Variants in ACSM1 observed in about 807,000 individuals in gnomAD.
ACSM1 encodes the protein acyl-coenzyme A synthetase ACSM1, mitochondrial.
Under a neutral mutation model 75.8 loss-of-function variants are expected in ACSM1, and 79 were observed. That is an observed-to-expected ratio of 1.04 (90% confidence interval 0.87 to 1.26). ACSM1 has a LOEUF of 1.26. Among genes scored for constraint, ACSM1 ranks in the 50% most tolerant of loss-of-function variants. ACSM1 has a pLI of 0.00. For missense variants in ACSM1, 676 were observed against 720.1 expected (o/e 0.94, Z 0.70); for synonymous variants, 279 against 265.8 (o/e 1.05, Z -0.48).
chr16:20,636,731 G>A lies in ACSM1; in HGVS notation c.1299+8C>T, dbSNP rs1277365713. ...GGGCCAGGATGGGGGCAGATGGGGG[G>A]TCATTACCTCATAGCACATGAAGAG... On this transcript the variant is annotated splice_region_variant and intron_variant, in intron 10 of 13. Transcript: ENST00000520010. 3.1e-6 allele frequency: 5 copies of A among 1,609,754 alleles called. No homozygotes were observed. The East Asian group carries it at 6.7e-5, about 22-fold the overall frequency.
intron 1 of ACSM1, among the ~76,000 whole-genome samples, chr16:20,696,537 T>C (rs1245386559): frequency 6.6e-6 from 1 of 152,244 alleles, no homozygotes; most frequent in East Asian, 1.9e-4. Flanking sequence ...AAGTATTTAC[T>C]ATAGATGTAC....
rs138045895 is a variant in ACSM1, at chr16:20,650,416, G to A, written c.993-9832C>T. 5.3e-5 allele frequency among the ~76,000 whole-genome samples: 8 copies of A among 152,158 alleles called. No individual in the cohort carries two copies. The East Asian group carries it at 1.4e-3, about 26-fold the overall frequency. On this transcript the variant is annotated intron_variant, in intron 7 of 13. Coordinates refer to ENST00000520010, the MANE Select transcript of ACSM1 (RefSeq NM_001318890.3). ...GTCTGGGAGCTTGACCCCCCACAAC[G>A]TGCAGCGGCCCTACAGGGAAATCCC...
chr16:20,624,240 C>G, intron 12 of ACSM1, 25 bp from the exon 13 acceptor site: 2 of 1,591,402 alleles, frequency 1.3e-6, no homozygotes, highest in Non-Finnish European at 1.7e-6. Context: ...CATGGGCTCA[C>G]AGTGAGTGCC....
chr16:20,654,637 G>A (rs955709412), intron 7 of ACSM1, among the ~76,000 whole-genome samples: 1 of 152,164 alleles, frequency 6.6e-6, no homozygotes, highest in Non-Finnish European at 1.5e-5. Context: ...GCAGCCAACA[G>A]ACACATGAAA....
At chr16:20,675,976 A>T (rs1425990252) in intron 4 of ACSM1, 1 of 152,190 alleles carries the variant, frequency 6.6e-6, no homozygotes, top group East Asian at 1.9e-4. Flanking sequence ...GAGACAAAAG[A>T]AAAGTCTCAG....
intron 7 of ACSM1, 99 bp from the exon 8 acceptor site, chr16:20,640,683 CCTCA>C (rs2018003655): frequency 6.4e-7 from 1 of 1,552,062 alleles, no homozygotes. Flanking sequence ...CCTTCTAGTT[CCTCA>C]CTTTCTTATT....
In ACSM1 at chr16:20,695,680, CATCT is replaced by C. The variant is rs35535609; in HGVS notation, c.-52+1952_-52+1955del. ...TATTACCTATTTTCTATCTATCTAT[CATCT>C]ATCTATCTATCTATCTATCTAGATA... On this transcript the variant is annotated intron_variant, in intron 1 of 13. Coordinates refer to ENST00000520010, the MANE Select transcript of ACSM1 (RefSeq NM_001318890.3). 3.3e-3 allele frequency among the ~76,000 whole-genome samples: 501 copies of C among 151,018 alleles called. 2 individuals are homozygous for C. Among genetic ancestry groups the C allele is most frequent in the South Asian group, 6.3e-3 (30 of 4,776 alleles).
At chr16:20,639,844 T>C (rs191048846) in intron 8 of ACSM1, among the ~76,000 whole-genome samples, 232 of 152,208 alleles carry the variant, frequency 1.5e-3, no homozygotes, top group African/African-American at 5.4e-3. Context: ...CCAAAATCAC[T>C]AAGCCAAAGG....
At chr16:20,666,641 AG>A (rs1331459836) in intron 6 of ACSM1, among the ~76,000 whole-genome samples, 1 of 152,058 alleles carries the variant, frequency 6.6e-6, no homozygotes, top group Non-Finnish European at 1.5e-5. Flanking sequence ...AAACTCATAT[AG>A]TACCAAAAAG....
At chr16:20,658,541 G>A (rs1267644938) in intron 7 of ACSM1, among the ~76,000 whole-genome samples, 1 of 151,932 alleles carries the variant, frequency 6.6e-6, no homozygotes, top group Non-Finnish European at 1.5e-5. Context: ...ACAATTAATT[G>A]GCTATAAGTC....
At chr16:20,640,950 A>G (rs1466212128) in intron 7 of ACSM1, among the ~76,000 whole-genome samples, 1 of 152,246 alleles carries the variant, frequency 6.6e-6, no homozygotes, top group Non-Finnish European at 1.5e-5. Flanking sequence ...GTAAAGGATG[A>G]GATCTTAAGG....
At chr16:20,651,412 T>C (rs959248254) in intron 7 of ACSM1, among the ~76,000 whole-genome samples, 1 of 152,176 alleles carries the variant, frequency 6.6e-6, no homozygotes, top group African/African-American at 2.4e-5. Flanking sequence ...GCACATTACC[T>C]GAGGTCAGGA....
At chr16:20,675,062 G>A (rs2152281939) in intron 4 of ACSM1, among the ~76,000 whole-genome samples, 1 of 152,294 alleles carries the variant, frequency 6.6e-6, no homozygotes. Flanking sequence ...AATGGTAAGA[G>A]TGGCTTGCCA....
At chr16:20,658,386 G>A (rs945455445) in intron 7 of ACSM1, among the ~76,000 whole-genome samples, 3 of 152,172 alleles carry the variant, frequency 2.0e-5, no homozygotes, top group African/African-American at 7.2e-5. Context: ...TCATGTGTCT[G>A]TTGGCTGCAT....
At chr16:20,661,114 T>A (rs1030595794) in intron 7 of ACSM1, among the ~76,000 whole-genome samples, 7 of 152,200 alleles carry the variant, frequency 4.6e-5, no homozygotes, top group African/African-American at 1.7e-4. Flanking sequence ...TAGGATTCTA[T>A]GTAGCATTAA....
At chr16:20,684,369 T>C (rs901000526) in intron 3 of ACSM1, among the ~76,000 whole-genome samples, 1 of 152,184 alleles carries the variant, frequency 6.6e-6, no homozygotes, top group African/African-American at 2.4e-5. Flanking sequence ...AATTGTGCCT[T>C]TGTAAAGGAT....
intron 10 of ACSM1, among the ~76,000 whole-genome samples, chr16:20,635,209 A>C (rs1223937566): frequency 6.6e-6 from 1 of 152,100 alleles, no homozygotes; most frequent in Non-Finnish European, 1.5e-5. Context: ...AGTCTGGGCA[A>C]CATAGTGAGA....
chr16:20,667,372 A>G (rs1479283472), intron 6 of ACSM1, among the ~76,000 whole-genome samples: 1 of 152,204 alleles, frequency 6.6e-6, no homozygotes, highest in Non-Finnish European at 1.5e-5. Context: ...ACACTTCTCA[A>G]AAGAAGACAT....
chr16:20,688,385 A>G (rs2079592165), intron 2 of ACSM1, among the ~76,000 whole-genome samples: 1 of 152,136 alleles, frequency 6.6e-6, no homozygotes, highest in East Asian at 1.9e-4. Flanking sequence ...CATAGAGGTT[A>G]TTGGAAGAAA....
Sources: gnomAD v4.1 joint callset for allele counts (sites outside exome capture counted in the v4.1 genomes callset) on GRCh38, gnomAD v4.1.1 for gene constraint, MANE v1.5 for transcripts, NCBI Gene and HGNC (gene_info 2026-07-23, HGNC 2026-07-21) for gene names.